Variants in EPG5 observed in about 807,000 individuals in gnomAD.
EPG5 encodes ectopic P granules protein 5 homolog.
EPG5 carries 159 observed loss-of-function variants against 302.7 expected under a neutral mutation model. The ratio of observed to expected loss-of-function variants is 0.53; its 90% confidence interval spans 0.46 to 0.60. The LOEUF is 0.60. EPG5 is among the 20% of genes least tolerant of loss of function. The pLI is 0.00. For synonymous variants in EPG5, 1,158 were observed against 1,136.8 expected, an observed-to-expected ratio of 1.02 and a Z score of -0.37; for missense variants, 2,896 against 3,092.4, an observed-to-expected ratio of 0.94 and a Z score of 1.51.
chr18:45,903,892 G>C (rs570492898), intron 25 of EPG5, 81 bp downstream of exon 25: 2 of 1,380,986 alleles, frequency 1.4e-6, no homozygotes, highest in African/African-American at 3.0e-5. Context: ...GGGGAATAAA[G>C]TATGTCAGCC....
intron 5 of EPG5, among the ~76,000 whole-genome samples, chr18:45,948,940 G>A (rs1470396210): frequency 6.6e-6 from 1 of 152,210 alleles, no homozygotes; most frequent in Non-Finnish European, 1.5e-5. Flanking sequence ...TGGAGAAGCT[G>A]AATTTGGCAA....
At chr18:45,809,370 AAT>A in the EPG5 span, among the ~76,000 whole-genome samples, 6 of 152,204 alleles carry the variant, frequency 3.9e-5, no homozygotes, top group Non-Finnish European at 7.3e-5. Context: ...GAACAAATGG[AAT>A]TAACAGATAT....
chr18:45,892,694 AGCATGT>A (rs1158635240), intron 27 of EPG5, among the ~76,000 whole-genome samples: 13 of 152,354 alleles, frequency 8.5e-5, no homozygotes, highest in African/African-American at 2.6e-4. Flanking sequence ...CACAGAAAGA[AGCATGT>A]CTCACTTCCC....
At chr18:45,859,950 G>A (rs767632916) in intron 40 of EPG5, among the ~76,000 whole-genome samples, 154 bp downstream of exon 40, 3 of 152,202 alleles carry the variant, frequency 2.0e-5, no homozygotes, top group Admixed American at 1.3e-4. Flanking sequence ...TGAAAAATAC[G>A]TATATTCAGA....
Position 45,916,373 on chromosome 18 carries a change from T to C in EPG5, c.3384+65A>G, listed in dbSNP as rs2145715536. The C allele has an allele frequency of 2.5e-6, 4 of 1,578,506 alleles. No homozygotes were observed. In the East Asian group the frequency reaches 9.0e-5, roughly 36 times the overall value. ...TGAAATGACTAAAACCTAAGTGTGC[T>C]AACGCTAGAGGTCTTGGTTGGGAAG... On this transcript the variant is annotated intron_variant, in intron 18 of 43. Coordinates refer to ENST00000282041, the MANE Select transcript of EPG5 (RefSeq NM_020964.3).
At chr18:45,865,529 T>C in intron 39 of EPG5, 86 bp downstream of exon 39, 1 of 1,433,682 alleles carries the variant, frequency 7.0e-7, no homozygotes, top group South Asian at 1.3e-5. Context: ...GCCAGTGTCC[T>C]GAACATCCTC....
Position 45,951,125 on chromosome 18 carries a change from T to C in EPG5, c.1366A>G (p.Ile456Val). Residue 456 changes from isoleucine to valine, a missense_variant, in exon 4 of 44, where the codon ATT (isoleucine) becomes GTT (valine). Ile to Val is a conservative substitution (Grantham distance 29). Transcript: ENST00000282041. ...ACCAATTTCTGCAGCCAGAGAAGAA[T>C]ATCATCATGAAACTGAGTATCTTCA... ...VNEDTQFHDD[I>V]LLWLQKLVSV... The C allele has an allele frequency of 1.9e-6, 3 of 1,586,208 alleles. No homozygotes were observed. Among genetic ancestry groups the C allele is most frequent in the Non-Finnish European group, 2.6e-6 (3 of 1,168,814 alleles).
the EPG5 span, chr18:45,838,991 G>C: frequency 1.9e-6 from 3 of 1,598,026 alleles, no homozygotes; most frequent in Non-Finnish European, 2.5e-6. Flanking sequence ...CGCTTCCATG[G>C]CGCCAGCGGG....
chr18:45,952,512 G>C lies in EPG5; in HGVS notation c.1140C>G (p.Ala380=). The C allele has an allele frequency of 6.2e-7, 1 of 1,614,130 alleles. No homozygotes were observed. The highest frequency in any genetic ancestry group is 8.5e-7 in the Non-Finnish European group (1 of 1,180,030). The part of the protein sequence containing the change: ...AKSEHLHQTL[A]LHSYTSVLSR... The stretch of plus-strand genomic sequence containing the variant: ...AGAGCACAGAAGTATAAGAATGAAG[G>C]GCCAGGGTCTGGTGGAGGTGCTCAG... The change falls in exon 3 of 44, where the codon GCC becomes GCG. Residue 380 remains alanine (A), a synonymous_variant. Coordinates refer to ENST00000282041, the MANE Select transcript of EPG5 (RefSeq NM_020964.3).
At chr18:45,953,204 C>A (rs765953365) in intron 2 of EPG5, 77 of 829,382 alleles carry the variant, frequency 9.3e-5, no homozygotes, top group Non-Finnish European at 1.1e-4. Context: ...GTGAAAGCTG[C>A]AAGAAAATAA....
chr18:45,899,338 A>G (rs994879734), intron 27 of EPG5, 66 bp downstream of exon 27: 17 of 1,579,146 alleles, frequency 1.1e-5, no homozygotes, highest in Non-Finnish European at 1.5e-5. Flanking sequence ...AATCTTTCTC[A>G]TTGATAAGCC....
intron 16 of EPG5, among the ~76,000 whole-genome samples, chr18:45,920,832 T>A (rs1410328162): frequency 6.6e-6 from 1 of 152,194 alleles, no homozygotes; most frequent in African/African-American, 2.4e-5. Context: ...GCGACAGATG[T>A]CTTGTCTAAT....
At chr18:45,846,825 C>T (rs1042399952), downstream of EPG5, among the ~76,000 whole-genome samples, 5 of 152,092 alleles carry the variant, frequency 3.3e-5, no homozygotes, top group Non-Finnish European at 4.4e-5. Flanking sequence ...TTGGTTATTT[C>T]TTGATTATAT....
intron 29 of EPG5, among the ~76,000 whole-genome samples, chr18:45,887,209 CAAAT>C (rs2049237783): frequency 6.6e-6 from 1 of 152,034 alleles, no homozygotes; most frequent in African/African-American, 2.4e-5. Flanking sequence ...CACTGTAAGC[CAAAT>C]AAATAAATAA....
At position 45,910,689 on chromosome 18, in the gene EPG5, A is replaced by G. The variant is rs201968905; in HGVS notation, c.4037T>C (p.Ile1346Thr). 96 of 1,614,068 alleles carry G rather than the reference A, an allele frequency of 5.9e-5. No homozygotes were observed. Among genetic ancestry groups the G allele is most frequent in the Non-Finnish European group, 2.1e-5 (25 of 1,180,032 alleles). ...TCTCTTCATTTCTTTCAACAAATTG[A>G]TATGAGCAGGACTTTGAAAAAACCT... ...GRRFFQSPAH[I>T]NLLKEMKRRL... Residue 1346 changes from isoleucine to threonine, a missense_variant, in exon 23 of 44, where the codon ATC (isoleucine) becomes ACC (threonine). Transcript: ENST00000282041.
chr18:45,836,995 C>T, the EPG5 span: 1 of 1,084,366 alleles, frequency 9.2e-7, no homozygotes, highest in Non-Finnish European at 1.4e-6. Context: ...AGTTTATTCA[C>T]GTGTAACCCG....
intron 14 of EPG5, among the ~76,000 whole-genome samples, chr18:45,925,466 C>G (rs1249506674): frequency 6.6e-6 from 1 of 152,036 alleles, no homozygotes; most frequent in Non-Finnish European, 1.5e-5. Context: ...GGGCAAGACT[C>G]TGTCTCAAAC....
intron 4 of EPG5, among the ~76,000 whole-genome samples, chr18:45,949,808 T>G (rs1392579136): frequency 6.6e-6 from 1 of 152,230 alleles, no homozygotes; most frequent in Non-Finnish European, 1.5e-5. Flanking sequence ...AAATCTAGCT[T>G]TTTCTTCTTT....
At position 45,878,540 on chromosome 18, in the gene EPG5, C is replaced by T. The variant is rs947394326; in HGVS notation, c.5870-92G>A. 1.7e-5 allele frequency: 13 copies of T among 784,926 alleles called. No individual in the cohort carries two copies. In the African/African-American group the frequency reaches 2.1e-4, roughly 13 times the overall value. 48.6% of individuals were successfully genotyped at this position (784,926 alleles called of 1,614,324 possible). A position where few individuals can be genotyped will look rare whatever the true frequency, so the allele number is the denominator to read the frequency against. On this transcript the variant is annotated intron_variant, in intron 33 of 43. Coordinates refer to ENST00000282041, the MANE Select transcript of EPG5 (RefSeq NM_020964.3). ...TATAGAAAAATCTACCTCTTATTAT[C>T]TGTAGCTTCATAAACCTATGTTAAT...
Sources: allele counts gnomAD v4.1 joint callset (sites outside exome capture counted in the v4.1 genomes callset), GRCh38; gene constraint gnomAD v4.1.1; transcripts MANE v1.5; gene names NCBI Gene and HGNC (gene_info 2026-07-23, HGNC 2026-07-21).